RALGAPA2: variants seen among roughly 807,000 people sequenced by gnomAD.
RALGAPA2 encodes the protein Ral GTPase activating protein catalytic subunit alpha 2, also known as ral GTPase-activating protein subunit alpha-2.
In RALGAPA2, 139 loss-of-function variants were observed where a neutral mutation model predicts 230.4. The observed-to-expected ratio is 0.60, with a 90% confidence interval of 0.53 to 0.69. RALGAPA2 has a LOEUF of 0.69. Among genes scored for constraint, RALGAPA2 ranks in the 30% least tolerant of loss-of-function variants. RALGAPA2 has a pLI of 0.00. For missense variants in RALGAPA2, 2,163 were observed against 2,276.0 expected (o/e 0.95, Z 1.01); for synonymous variants, 847 against 837.8 (o/e 1.01, Z -0.19).
Position 20,535,889 on chromosome 20 carries a change from GC to G in RALGAPA2, c.3415-87del, listed in dbSNP as rs1197088788. The G allele has an allele frequency of 3.4e-6, 5 of 1,466,122 alleles. No homozygotes were observed. In the African/African-American group the frequency reaches 7.1e-5, roughly 21 times the overall value. The allele number at this position is 1,466,122 out of a possible 1,614,324, so 90.8% of individuals were successfully genotyped here. A position where few individuals can be genotyped will look rare whatever the true frequency, so the allele number is the denominator to read the frequency against. On this transcript the variant is annotated intron_variant, in intron 25 of 39. Transcript: ENST00000202677. The stretch of plus-strand genomic sequence containing the variant: ...CTGACCATGTTCCAGGCAGCCAGGA[GC>G]TACTGAAGTTCGACCAGGGAGCTCA...
chr20:20,653,195 CAAAAAAAAAAAA>C lies in RALGAPA2; in HGVS notation c.328+323_328+334del, dbSNP rs60906434. 7.2e-3 allele frequency among the ~76,000 whole-genome samples: 198 copies of C among 27,534 alleles called. 2 individuals carry two copies. Among genetic ancestry groups the C allele is most frequent in the South Asian group, 0.042 (21 of 498 alleles). 18.1% of individuals were successfully genotyped at this position (27,534 alleles called of 152,430 possible). A position where few individuals can be genotyped will look rare whatever the true frequency, so the allele number is the denominator to read the frequency against. ...TAGGCGACAGAGCAAGACTCCATCT[CAAAAAAAAAAAA>C]AAAAAAAAAAAAAAAAAATACACAC... On this transcript the variant is annotated intron_variant, in intron 4 of 39. Coordinates refer to ENST00000202677, the MANE Select transcript of RALGAPA2 (RefSeq NM_020343.4).
intron 38 of RALGAPA2, among the ~76,000 whole-genome samples, chr20:20,409,404 C>T (rs1366552353): frequency 6.6e-6 from 1 of 152,066 alleles, no homozygotes; most frequent in Non-Finnish European, 1.5e-5. Context: ...CAAAGAAAAC[C>T]TAGGAGCCCC....
At chr20:20,406,377 A>T (rs1602276230) in intron 38 of RALGAPA2, among the ~76,000 whole-genome samples, 1 of 152,224 alleles carries the variant, frequency 6.6e-6, no homozygotes, top group African/African-American at 2.4e-5. Context: ...TCCAAGAAGA[A>T]TACATCTTAA....
chr20:20,513,591 G>A (rs2062781791), intron 31 of RALGAPA2, among the ~76,000 whole-genome samples: 8 of 152,114 alleles, frequency 5.3e-5, no homozygotes, highest in Admixed American at 5.2e-4. Flanking sequence ...CCCAGTACCC[G>A]AGACAGAAAC....
chr20:20,514,107 T>C (rs1046465902), intron 31 of RALGAPA2, among the ~76,000 whole-genome samples: 1 of 151,994 alleles, frequency 6.6e-6, no homozygotes, highest in South Asian at 2.1e-4. Context: ...TGCCCCAACC[T>C]TCCTGTGCAC....
chr20:20,681,410 A>C (rs2068516459), intron 1 of RALGAPA2, among the ~76,000 whole-genome samples: 1 of 152,148 alleles, frequency 6.6e-6, no homozygotes, highest in African/African-American at 2.4e-5. Context: ...CTCTTGTACT[A>C]GACAGTTTTG....
chr20:20,677,713 G>T (rs558768488), intron 2 of RALGAPA2, among the ~76,000 whole-genome samples: 1 of 134,622 alleles, frequency 7.4e-6, no homozygotes, highest in Non-Finnish European at 1.5e-5. Flanking sequence ...GCGCGATCTC[G>T]GCTCACTGCA....
At chr20:20,578,124 C>G (rs939749978) in intron 20 of RALGAPA2, among the ~76,000 whole-genome samples, 2 of 152,134 alleles carry the variant, frequency 1.3e-5, no homozygotes, top group African/African-American at 4.8e-5. Context: ...GGTACGCTGA[C>G]TTCTTTAGGA....
At chr20:20,511,367 G>A in intron 32 of RALGAPA2, 42 bp from the exon 33 acceptor site, 1 of 1,523,590 alleles carries the variant, frequency 6.6e-7, no homozygotes, top group Non-Finnish European at 8.8e-7. Context: ...TGTGATTACA[G>A]AACCATTTTG....
At chr20:20,498,291 C>T (rs1183714414) in intron 35 of RALGAPA2, among the ~76,000 whole-genome samples, 1 of 152,218 alleles carries the variant, frequency 6.6e-6, no homozygotes, top group Non-Finnish European at 1.5e-5. Flanking sequence ...ACTCCTTCAA[C>T]TGCACAACAG....
intron 10 of RALGAPA2, among the ~76,000 whole-genome samples, chr20:20,625,218 C>A (rs1197581730): frequency 2.0e-5 from 3 of 152,202 alleles, no homozygotes; most frequent in African/African-American, 7.2e-5. Flanking sequence ...TCTCTACCAG[C>A]CTGCTTTCTG....
rs938860891 is a variant in RALGAPA2 at position 20,550,368 on chromosome 20, A to G, written c.3157-3536T>C. 2.0e-5 allele frequency among the ~76,000 whole-genome samples: 3 copies of G among 152,292 alleles called. No homozygotes were observed. In the East Asian group the frequency reaches 5.8e-4, roughly 29 times the overall value. On this transcript the variant is annotated intron_variant, in intron 23 of 39. Transcript: ENST00000202677. ...CAATGACAGTAATCAATGCTGCTAA[A>G]TTTTTGCTAAAAATACCATCCTCTG...
At chr20:20,498,292 T>G (rs1378959820) in intron 35 of RALGAPA2, among the ~76,000 whole-genome samples, 1 of 152,196 alleles carries the variant, frequency 6.6e-6, no homozygotes, top group Non-Finnish European at 1.5e-5. Context: ...CTCCTTCAAC[T>G]GCACAACAGG....
chr20:20,555,790 T>C (rs2064067205), intron 23 of RALGAPA2, among the ~76,000 whole-genome samples: 1 of 152,204 alleles, frequency 6.6e-6, no homozygotes, highest in Non-Finnish European at 1.5e-5. Flanking sequence ...TTCTAGTAGG[T>C]TTCTTTTTTA....
intron 23 of RALGAPA2, among the ~76,000 whole-genome samples, chr20:20,558,149 C>G (rs955155419): frequency 6.6e-6 from 1 of 152,076 alleles, no homozygotes; most frequent in South Asian, 2.1e-4. Context: ...GGATTACAGG[C>G]ATCCGCCACT....
At chr20:20,684,259 T>A (rs938955930) in intron 1 of RALGAPA2, among the ~76,000 whole-genome samples, 3 of 152,100 alleles carry the variant, frequency 2.0e-5, no homozygotes, top group Non-Finnish European at 4.4e-5. Context: ...CAGAATGCCA[T>A]AAGCTGGCAA....
At chr20:20,443,832 C>T (rs149438194) in intron 37 of RALGAPA2, among the ~76,000 whole-genome samples, 38 of 152,374 alleles carry the variant, frequency 2.5e-4, no homozygotes, top group African/African-American at 7.0e-4. Context: ...ACTATTCTCC[C>T]CTCTCAGATC....
intron 10 of RALGAPA2, among the ~76,000 whole-genome samples, chr20:20,623,561 A>G (rs1056065089): frequency 6.6e-6 from 1 of 151,758 alleles, no homozygotes; most frequent in Non-Finnish European, 1.5e-5. Context: ...GTGGTAGAAC[A>G]CTAAGCAAAA....
intron 23 of RALGAPA2, among the ~76,000 whole-genome samples, chr20:20,567,383 A>G (rs947550174): frequency 4.6e-5 from 7 of 152,240 alleles, no homozygotes; most frequent in African/African-American, 1.7e-4. Flanking sequence ...AACAAGAAAC[A>G]GCTTTAGAAG....
Sources: gnomAD v4.1 joint callset for allele counts (sites outside exome capture counted in the v4.1 genomes callset) on GRCh38, gnomAD v4.1.1 for gene constraint, MANE v1.5 for transcripts, NCBI Gene and HGNC (gene_info 2026-07-23, HGNC 2026-07-21) for gene names.